GRM8: variants seen among roughly 807,000 people sequenced by gnomAD.
GRM8 encodes glutamate metabotropic receptor 8, also known as metabotropic glutamate receptor 8.
GRM8 carries 47 observed loss-of-function variants against 87.2 expected under a neutral mutation model. That is an observed-to-expected ratio of 0.54 (90% CI 0.43 to 0.69). GRM8 has a LOEUF of 0.69. Among genes scored for constraint, GRM8 ranks in the 30% least tolerant of loss-of-function variants. GRM8 has a pLI of 0.00. For synonymous variants in GRM8, 396 were observed against 404.5 expected (o/e 0.98, Z 0.25); for missense variants, 1,019 against 1,139.2 (o/e 0.89, Z 1.52).
chr7:127,131,129 A>G (rs1056999259), intron 2 of GRM8, among the ~76,000 whole-genome samples: 3 of 152,218 alleles, frequency 2.0e-5, no homozygotes, highest in Admixed American at 2.0e-4. Flanking sequence ...GAAAATATTC[A>G]CTAAGCCACT....
intron 3 of GRM8, among the ~76,000 whole-genome samples, chr7:126,984,914 G>A (rs10279547): frequency 0.024 from 3,574 of 151,998 alleles, 149 homozygotes; most frequent in African/African-American, 0.082. Flanking sequence ...CCTTTCAGGC[G>A]GATGCACCTT....
intron 2 of GRM8, among the ~76,000 whole-genome samples, chr7:127,191,207 C>T (rs1349554388): frequency 1.3e-5 from 2 of 152,032 alleles, no homozygotes; most frequent in Non-Finnish European, 2.9e-5. Context: ...ACATCAGGGC[C>T]AAGACTAAAT....
chr7:126,835,093 A>G (rs965253247), intron 6 of GRM8, among the ~76,000 whole-genome samples: 19 of 151,666 alleles, frequency 1.3e-4, no homozygotes, highest in East Asian at 3.9e-4. Flanking sequence ...AAATAAAAAA[A>G]AAAAGAAAAG....
intron 2 of GRM8, among the ~76,000 whole-genome samples, chr7:127,189,728 C>T (rs773182384): frequency 7.2e-5 from 11 of 152,162 alleles, no homozygotes; most frequent in Non-Finnish European, 1.3e-4. Context: ...GGTTCATGAA[C>T]AACTGAGCCT....
intron 2 of GRM8, among the ~76,000 whole-genome samples, chr7:127,164,084 T>A (rs972227007): frequency 6.6e-6 from 1 of 152,138 alleles, no homozygotes; most frequent in African/African-American, 2.4e-5. Flanking sequence ...GGCACTGTCC[T>A]CAGGATAGTG....
chr7:126,908,867 C>T (rs1802978984), intron 3 of GRM8, among the ~76,000 whole-genome samples: 1 of 152,230 alleles, frequency 6.6e-6, no homozygotes, highest in Admixed American at 6.5e-5. Context: ...ACCTGTTCCA[C>T]ATGGCATTGT....
At chr7:127,058,759 T>C (rs1820270025) in intron 3 of GRM8, among the ~76,000 whole-genome samples, 1 of 152,186 alleles carries the variant, frequency 6.6e-6, no homozygotes. Context: ...ACAGGCTTGG[T>C]GACAAGCAGA....
intron 6 of GRM8, among the ~76,000 whole-genome samples, chr7:126,772,053 TCTCC>T (rs1818900451): frequency 6.6e-6 from 1 of 152,140 alleles, no homozygotes; most frequent in Non-Finnish European, 1.5e-5. Flanking sequence ...CTAAAATTTC[TCTCC>T]CATGGCTTTA....
intron 2 of GRM8, chr7:127,229,659 T>A (rs1187564824): frequency 6.6e-6 from 1 of 152,174 alleles, no homozygotes; most frequent in East Asian, 1.9e-4. Context: ...TGCTGCAGCA[T>A]AAAGAAGAAA....
chr7:126,616,205 C>A (rs1247280672), intron 7 of GRM8, among the ~76,000 whole-genome samples: 1 of 152,196 alleles, frequency 6.6e-6, no homozygotes, highest in African/African-American at 2.4e-5. Context: ...CAAACTACAA[C>A]TCAGGATTAA....
At chr7:127,015,304 A>C (rs1207400469) in intron 3 of GRM8, among the ~76,000 whole-genome samples, 1 of 152,078 alleles carries the variant, frequency 6.6e-6, no homozygotes, top group Non-Finnish European at 1.5e-5. Flanking sequence ...GAACCAAAGA[A>C]GAAAGAGGAA....
intron 6 of GRM8, among the ~76,000 whole-genome samples, chr7:126,820,308 C>T (rs1049336633): frequency 6.6e-6 from 1 of 152,098 alleles, no homozygotes; most frequent in African/African-American, 2.4e-5. Context: ...AGATGATATA[C>T]AAAATGAGAA....
chr7:126,838,299 A>G (rs1428582709), intron 6 of GRM8, among the ~76,000 whole-genome samples: 2 of 152,224 alleles, frequency 1.3e-5, no homozygotes, highest in Non-Finnish European at 2.9e-5. Context: ...ACATCAGCCA[A>G]TAAAACATGG....
intron 6 of GRM8, among the ~76,000 whole-genome samples, chr7:126,793,702 T>G (rs1197759493): frequency 1.3e-5 from 2 of 152,214 alleles, no homozygotes; most frequent in East Asian, 3.8e-4. Flanking sequence ...GACAGGTTGA[T>G]CCAATTGAGT....
intron 9 of GRM8, among the ~76,000 whole-genome samples, chr7:126,471,228 C>A (rs1805176679): frequency 6.6e-6 from 1 of 152,180 alleles, no homozygotes; most frequent in Non-Finnish European, 1.5e-5. Flanking sequence ...GCTTTGGTTG[C>A]CATTGCTTTT....
intron 6 of GRM8, among the ~76,000 whole-genome samples, chr7:126,808,870 G>T (rs1793028388): frequency 6.6e-6 from 1 of 152,152 alleles, no homozygotes; most frequent in East Asian, 1.9e-4. Flanking sequence ...GCCTACCACA[G>T]ATAAAGCTCC....
intron 6 of GRM8, among the ~76,000 whole-genome samples, chr7:126,802,796 T>C (rs1370315849): frequency 1.3e-5 from 2 of 152,188 alleles, no homozygotes; most frequent in Non-Finnish European, 2.9e-5. Flanking sequence ...AATTAAAGTT[T>C]TAAATTAGGA....
intron 2 of GRM8, among the ~76,000 whole-genome samples, chr7:127,223,517 A>G (rs915725982): frequency 1.3e-5 from 2 of 151,432 alleles, no homozygotes; most frequent in Non-Finnish European, 2.9e-5. Context: ...ACAAGCAAAG[A>G]CCTAGTGGGG....
At chr7:126,990,244 AGCTAAGCATTGCCCT>A (rs1317357581) in intron 3 of GRM8, among the ~76,000 whole-genome samples, 3 of 152,010 alleles carry the variant, frequency 2.0e-5, no homozygotes, top group African/African-American at 2.4e-5. Context: ...CTTCTCTTGC[AGCTAAGCATTGCCCT>A]GGACACAGTT....
Sources: gnomAD v4.1 joint callset for allele counts (sites outside exome capture counted in the v4.1 genomes callset) on GRCh38, gnomAD v4.1.1 for gene constraint, MANE v1.5 for transcripts, NCBI Gene and HGNC (gene_info 2026-07-23, HGNC 2026-07-21) for gene names.